The following ZC3H7B variants were observed in gnomAD, a reference collection of about 807,000 sequenced individuals.
ZC3H7B encodes zinc finger CCCH domain-containing protein 7B.
A neutral mutation model predicts 116.0 loss-of-function variants in ZC3H7B; 35 were observed. The observed-to-expected ratio is 0.30, with a 90% CI of 0.23 to 0.40. The LOEUF is 0.40. ZC3H7B is among the 10% of genes least tolerant of loss of function. The pLI is 1.00. For missense variants in ZC3H7B, 1,011 were observed against 1,321.5 expected (o/e 0.77, Z 3.64); for synonymous variants, 502 against 545.6 (o/e 0.92, Z 1.11).
intron 1 of ZC3H7B, among the ~76,000 whole-genome samples, chr22:41,319,373 C>G (rs1601769172): frequency 1.3e-5 from 2 of 151,856 alleles, no homozygotes. Context: ...TGCACTCCAG[C>G]CTGGGCGACA....
intron 1 of ZC3H7B, among the ~76,000 whole-genome samples, chr22:41,319,295 G>A (rs1289897396): frequency 6.6e-6 from 1 of 152,198 alleles, no homozygotes; most frequent in Non-Finnish European, 1.5e-5. Context: ...TAGCTACTCA[G>A]GAGGCTGAGG....
chr22:41,305,321 C>T (rs1346154025), intron 1 of ZC3H7B, among the ~76,000 whole-genome samples: 63 of 147,102 alleles, frequency 4.3e-4, no homozygotes, highest in African/African-American at 1.6e-3. Flanking sequence ...CCAGCCTGGG[C>T]GACAGAGCAA....
At chr22:41,343,002 G>A (rs1458731706) in intron 12 of ZC3H7B, among the ~76,000 whole-genome samples, 1 of 152,146 alleles carries the variant, frequency 6.6e-6, no homozygotes, top group Non-Finnish European at 1.5e-5. Flanking sequence ...GTGAAATCCT[G>A]TCTCTACTAA....
At chr22:41,330,248 T>C in intron 6 of ZC3H7B, 145 bp downstream of exon 6, 2 of 795,144 alleles carry the variant, frequency 2.5e-6, no homozygotes, top group East Asian at 5.6e-5. Context: ...CTTCCTTGTC[T>C]GTTGGCTGAA....
chr22:41,354,635 A>G (rs1348938493), intron 17 of ZC3H7B, among the ~76,000 whole-genome samples: 4 of 152,162 alleles, frequency 2.6e-5, no homozygotes, highest in Admixed American at 6.5e-5. Flanking sequence ...GAGAGGGGAC[A>G]GCTGGTGCAT....
intron 17 of ZC3H7B, among the ~76,000 whole-genome samples, chr22:41,354,752 G>A (rs901876827): frequency 1.3e-5 from 2 of 152,180 alleles, no homozygotes; most frequent in African/African-American, 2.4e-5. Flanking sequence ...ACCCTGTCCC[G>A]GGGTACAGAA....
chr22:41,313,978 C>A (rs1015042144), intron 1 of ZC3H7B, among the ~76,000 whole-genome samples: 3 of 151,428 alleles, frequency 2.0e-5, no homozygotes, highest in Admixed American at 1.3e-4. Context: ...TGGTGTTGAA[C>A]TCCTGACCTC....
chr22:41,339,979 C>G lies in ZC3H7B; in HGVS notation c.980C>G (p.Pro327Arg). 1.9e-6 allele frequency: 3 copies of G among 1,611,908 alleles called. No individual in the cohort carries two copies. Among genetic ancestry groups the G allele is most frequent in the Non-Finnish European group, 2.5e-6 (3 of 1,180,000 alleles). ...GCCTCCTTCGGCTTGGTCATGGACC[C>G]CTCCAAGAAGCTGGCCGCCTCTGTG... ...PPASFGLVMDPSKKLAASVLD... is the reference protein window; with the variant it reads ...PPASFGLVMDRSKKLAASVLD... The change falls in exon 10 of 23, where the codon CCC becomes CGC. Residue 327 changes from proline to arginine, a missense_variant. This residue lies in a region of ZC3H7B where 322 missense variants were observed against 443.9 expected (regional missense o/e 0.73). Coordinates refer to ENST00000352645, the MANE Select transcript of ZC3H7B (RefSeq NM_017590.6).
Position 41,355,488 on chromosome 22 carries a change from G to A in ZC3H7B, c.2054G>A (p.Gly685Glu). Residue 685 changes from glycine to glutamate, a missense_variant, in exon 18 of 23, where the codon GGG becomes GAG. Coordinates refer to ENST00000352645, the MANE Select transcript of ZC3H7B (RefSeq NM_017590.6). ...CCACAGGGTGCTCCGAGGACACATG[G>A]GCCCAGCACCTTTGACCTGCAGATG... ...SSSMGAPRTH[G>E]PSTFDLQMKF... 1 of 1,614,116 alleles carries A rather than the reference G, an allele frequency of 6.2e-7. No homozygotes were observed. Among genetic ancestry groups the A allele is most frequent in the Non-Finnish European group, 8.5e-7 (1 of 1,180,012 alleles).
intron 1 of ZC3H7B, among the ~76,000 whole-genome samples, chr22:41,308,955 TCTCTCTTAAATGTCAGCTTC>T (rs2036082115): frequency 1.3e-5 from 2 of 149,702 alleles, no homozygotes; most frequent in Admixed American, 1.4e-4. Flanking sequence ...TGGCTACCTA[TCTCTCTTAAATGTCAGCTTC>T]CTCCTAAGGG....
chr22:41,308,898 C>A (rs966499059), intron 1 of ZC3H7B, among the ~76,000 whole-genome samples: 1 of 152,068 alleles, frequency 6.6e-6, no homozygotes. Flanking sequence ...GTGCCCTGTC[C>A]CCTGCTAGGT....
Position 41,346,741 on chromosome 22 carries a change from G to T in ZC3H7B, c.1665+533G>T, listed in dbSNP as rs1201023442. On this transcript the variant is annotated intron_variant, in intron 14 of 22. Transcript: ENST00000352645. The surrounding 1 kb of genome is among the most constrained non-coding windows in gnomAD (Gnocchi z 5.3). ...TGAGGCAGGAGAATCACTTGAACTG[G>T]GGAGGCAAAGGTTGCAGTGAGCCGA... Among the ~76,000 whole-genome samples, 1 of 152,074 alleles carries T rather than the reference G, an allele frequency of 6.6e-6. No homozygotes were observed. Among genetic ancestry groups the T allele is most frequent in the Non-Finnish European group, 1.5e-5 (1 of 68,010 alleles).
In ZC3H7B at chr22:41,356,464, C is replaced by A; in HGVS notation, c.2505C>A (p.Tyr835Ter). ...AGCAGATCCAGATGCCCACGGACTA[C>A]GCGGACATCATGGTAACGCCTCCGC... ...GEKQIQMPTD[Y>*]ADIMMGYHCW... Residue 835 changes from tyrosine (Y) to a stop codon, truncating the protein, a stop_gained, in exon 21 of 23, where the codon TAC becomes TAA. Coordinates refer to ENST00000352645, the MANE Select transcript of ZC3H7B (RefSeq NM_017590.6). LOFTEE classifies it high-confidence loss of function. 1 of 1,614,080 alleles carries A rather than the reference C, an allele frequency of 6.2e-7. No homozygotes were observed.
At chr22:41,337,318 ACT>A (rs2036459873) in intron 7 of ZC3H7B, among the ~76,000 whole-genome samples, 1 of 149,764 alleles carries the variant, frequency 6.7e-6, no homozygotes, top group Admixed American at 6.6e-5. Flanking sequence ...ACAGAGTGAG[ACT>A]CTGTCTCAAA....
intron 10 of ZC3H7B, among the ~76,000 whole-genome samples, chr22:41,340,489 C>T (rs2036507701): frequency 6.6e-6 from 1 of 152,078 alleles, no homozygotes; most frequent in Non-Finnish European, 1.5e-5. Context: ...AAGGTCATGG[C>T]CTCCCACTGC....
Position 41,358,780 on chromosome 22 carries a change from C to G in ZC3H7B, c.*1351C>G, listed in dbSNP as rs2036752845. 1 of 154,948 alleles carries G rather than the reference C, an allele frequency of 6.5e-6. No individual in the cohort carries two copies. Among genetic ancestry groups the G allele is most frequent in the African/African-American group, 2.4e-5 (1 of 41,472 alleles). 9.6% of individuals were successfully genotyped at this position (154,948 alleles called of 1,614,324 possible). ...TGACATGTCTGTGTGCACCCCCCTCCTCTCCACCCTACCTTCCATCAACCA... is the reference window on the plus strand; with the variant it reads ...TGACATGTCTGTGTGCACCCCCCTCGTCTCCACCCTACCTTCCATCAACCA... On this transcript the variant is annotated 3_prime_UTR_variant, in exon 23 of 23. Transcript: ENST00000352645.
Position 41,349,339 on chromosome 22 carries a change from CA to C in ZC3H7B, c.1948+39del. On this transcript the variant is annotated intron_variant, in intron 16 of 22. Transcript: ENST00000352645. The surrounding 1 kb of genome is among the most constrained non-coding windows in gnomAD (Gnocchi z 4.9). ...CGGTGCAGGTGGAGGGCAGGTGACT[CA>C]GGTGAGGGGTAGGCGGCGCAGGTGA... 6.2e-7 allele frequency: 1 copy of C among 1,606,690 alleles called. No individual in the cohort carries two copies. Among genetic ancestry groups the C allele is most frequent in the Non-Finnish European group, 8.5e-7 (1 of 1,175,526 alleles).
At chr22:41,318,037 T>G (rs2036206769) in intron 1 of ZC3H7B, among the ~76,000 whole-genome samples, 1 of 143,670 alleles carries the variant, frequency 7.0e-6, no homozygotes, top group South Asian at 2.1e-4. Flanking sequence ...TGACAACACA[T>G]TTTTTTGTAG....
rs755858023 is a variant in ZC3H7B, at chr22:41,327,223, G to A, written c.303G>A (p.Ala101=). ...TCTGGCAGGGCCTGTATGAGAAGGC[G>A]CTGGAGGACAGCGAGAAGGCGCTGG... ...CYFTMGLYEK[A]LEDSEKALGL... Residue 101 remains alanine, a synonymous_variant, in exon 5 of 23, where the codon GCG becomes GCA. Coordinates refer to ENST00000352645, the MANE Select transcript of ZC3H7B (RefSeq NM_017590.6). The surrounding 1 kb of genome is among the most constrained non-coding windows in gnomAD (Gnocchi z 4.5). 1.9e-5 allele frequency: 30 copies of A among 1,613,802 alleles called. No individual in the cohort carries two copies. Among genetic ancestry groups the A allele is most frequent in the Non-Finnish European group, 2.4e-5 (28 of 1,180,028 alleles).
Sources: gnomAD v4.1 joint callset for allele counts (sites outside exome capture counted in the v4.1 genomes callset) on GRCh38, gnomAD v4.1.1 for gene constraint, gnomAD v4.1.1 regional missense constraint, Gnocchi (gnomAD v3.1) non-coding constraint, MANE v1.5 for transcripts, NCBI Gene and HGNC (gene_info 2026-07-23, HGNC 2026-07-21) for gene names.